Variants in AIG1 observed in about 807,000 individuals in gnomAD.
AIG1 encodes androgen-induced gene 1 protein.
Under a neutral mutation model 31.4 loss-of-function variants are expected in AIG1, and 23 were observed. That is an observed-to-expected ratio of 0.73 (90% confidence interval 0.53 to 1.04). The LOEUF (loss-of-function observed/expected upper bound fraction) is 1.04. Ranked by LOEUF, AIG1 falls within the 50% of genes least tolerant of loss-of-function variation. The pLI is 0.00. For synonymous variants in AIG1, 100 were observed against 110.5 expected (o/e 0.90, Z 0.60); for missense variants, 274 against 295.0 (o/e 0.93, Z 0.52).
rs188545720 is a variant in AIG1 at position 143,191,894 on chromosome 6, G to T, written c.399+26711G>T. Among the ~76,000 whole-genome samples, 193 of 151,284 alleles carry T rather than the reference G, an allele frequency of 1.3e-3. 1 individual carries two copies. The highest frequency in any genetic ancestry group is 4.3e-3 in the Admixed American group (65 of 15,086). ...AGTTCATTCATGAGCCAGTTATTTG[G>T]AACTGGAAACATGTTTCCCCACGAA... is the stretch of plus-strand genomic sequence containing the variant. On this transcript the variant is annotated intron_variant, in intron 3 of 5. Coordinates refer to ENST00000357847, the MANE Select transcript of AIG1 (RefSeq NM_016108.4).
chr6:143,131,222 TC>T (rs1245322235), intron 1 of AIG1, among the ~76,000 whole-genome samples: 1 of 152,248 alleles, frequency 6.6e-6, no homozygotes, highest in Non-Finnish European at 1.5e-5. Flanking sequence ...TTCCATTTAT[TC>T]TTTCTTCCTT....
At chr6:143,254,075 G>A (rs1387692012) in intron 3 of AIG1, among the ~76,000 whole-genome samples, 1 of 152,152 alleles carries the variant, frequency 6.6e-6, no homozygotes, top group Non-Finnish European at 1.5e-5. Flanking sequence ...CAGGGAGAAA[G>A]CGCCTTTTCA....
chr6:143,278,137 A>G (rs1445321168), intron 3 of AIG1, among the ~76,000 whole-genome samples: 2 of 152,180 alleles, frequency 1.3e-5, no homozygotes, highest in African/African-American at 4.8e-5. Context: ...TTTTTCCTTT[A>G]ATACCATTAC....
chr6:143,322,136 A>G (rs889794559), intron 4 of AIG1, among the ~76,000 whole-genome samples: 2 of 150,284 alleles, frequency 1.3e-5, no homozygotes, highest in African/African-American at 4.8e-5. Context: ...GCTCTTTATT[A>G]AAGGAGGTTG....
chr6:143,340,752 G>A lies in AIG1; in HGVS notation c.*1076G>A, dbSNP rs1332032210. Among the ~76,000 whole-genome samples, 2 of 151,940 alleles carry A rather than the reference G, an allele frequency of 1.3e-5. No homozygotes were observed. The highest frequency in any genetic ancestry group is 2.4e-5 in the African/African-American group (1 of 41,338). On this transcript the variant is annotated 3_prime_UTR_variant, in exon 6 of 6. Transcript: ENST00000357847. ...GCTGGGATTACAGACATGAACCACC[G>A]CGCCCAGCCACAAAATTGTTTTTAA... is the stretch of plus-strand genomic sequence containing the variant.
chr6:143,091,127 C>A (rs1371321815), intron 1 of AIG1, among the ~76,000 whole-genome samples: 1 of 152,104 alleles, frequency 6.6e-6, no homozygotes, highest in Non-Finnish European at 1.5e-5. Context: ...CATGACGTTG[C>A]AGCAATTCAA....
At chr6:143,086,234 G>A (rs1056290066) in intron 1 of AIG1, among the ~76,000 whole-genome samples, 1 of 151,828 alleles carries the variant, frequency 6.6e-6, no homozygotes, top group Non-Finnish European at 1.5e-5. Flanking sequence ...CTGACAACAA[G>A]GTAGTATTGG....
chr6:143,251,336 G>A (rs1432416213), intron 3 of AIG1, among the ~76,000 whole-genome samples: 2 of 152,304 alleles, frequency 1.3e-5, no homozygotes, highest in African/African-American at 2.4e-5. Context: ...ACAGGAGTGA[G>A]CCACCGTGCC....
chr6:143,172,176 C>T (rs1045011617), intron 3 of AIG1, among the ~76,000 whole-genome samples: 3 of 152,070 alleles, frequency 2.0e-5, no homozygotes, highest in Non-Finnish European at 2.9e-5. Flanking sequence ...TGTGCAGAAG[C>T]TTTTTAGTTT....
chr6:143,150,335 G>A (rs1467621400), intron 2 of AIG1, among the ~76,000 whole-genome samples: 2 of 152,172 alleles, frequency 1.3e-5, no homozygotes, highest in East Asian at 3.8e-4. Context: ...CTTAAAAAGG[G>A]ATGAAAGTAA....
intron 3 of AIG1, among the ~76,000 whole-genome samples, chr6:143,171,475 A>T (rs1253268180): frequency 5.8e-5 from 7 of 120,238 alleles, no homozygotes; most frequent in African/African-American, 2.5e-4. Context: ...TTTAATATAT[A>T]TAATATATAT....
Position 143,298,388 on chromosome 6 carries a change from A to G in AIG1, c.515+14163A>G, listed in dbSNP as rs1193813540. On this transcript the variant is annotated intron_variant, in intron 4 of 5. Transcript: ENST00000357847. The surrounding 1 kb of genome is among the most constrained non-coding windows in gnomAD (Gnocchi z 5.1). ...CACACATGCTAAACTTAAGCCAAAG[A>G]TATGTAAAGAATGTTAGAAAATGTA... is the stretch of plus-strand genomic sequence containing the variant. Among the ~76,000 whole-genome samples, 1 of 152,230 alleles carries G rather than the reference A, an allele frequency of 6.6e-6. No individual in the cohort carries two copies. Among genetic ancestry groups the G allele is most frequent in the Non-Finnish European group, 1.5e-5 (1 of 68,050 alleles).
chr6:143,213,705 C>T (rs899357369), intron 3 of AIG1, among the ~76,000 whole-genome samples: 1 of 147,124 alleles, frequency 6.8e-6, no homozygotes, highest in African/African-American at 2.5e-5. Flanking sequence ...TTAGTAGAGA[C>T]AGGGTTTCAC....
chr6:143,102,098 G>A (rs555854098), intron 1 of AIG1, among the ~76,000 whole-genome samples: 1 of 152,084 alleles, frequency 6.6e-6, no homozygotes, highest in African/African-American at 2.4e-5. Flanking sequence ...TTTTGCTGTT[G>A]TAGAATATGT....
At chr6:143,205,756 G>A (rs930872998) in intron 3 of AIG1, among the ~76,000 whole-genome samples, 1 of 152,146 alleles carries the variant, frequency 6.6e-6, no homozygotes, top group African/African-American at 2.4e-5. Flanking sequence ...TTGCATTAAT[G>A]TGCTATTACA....
chr6:143,154,031 A>T (rs1192534641), intron 2 of AIG1, among the ~76,000 whole-genome samples: 2 of 151,772 alleles, frequency 1.3e-5, no homozygotes, highest in African/African-American at 4.8e-5. Context: ...CTGGAGGATC[A>T]CTTGAAACCA....
intron 3 of AIG1, among the ~76,000 whole-genome samples, chr6:143,207,535 CA>C (rs2128612054): frequency 6.6e-6 from 1 of 151,952 alleles, no homozygotes; most frequent in Non-Finnish European, 1.5e-5. Context: ...CACACACACA[CA>C]CACACACACC....
downstream of AIG1, chr6:143,343,355 C>T (rs1039866174): frequency 1.0e-5 from 6 of 584,764 alleles, no homozygotes; most frequent in Middle Eastern, 3.0e-4. Flanking sequence ...GGACTAATGC[C>T]CCCCCAAACA....
At chr6:143,283,141 A>G (rs1797460405) in intron 3 of AIG1, among the ~76,000 whole-genome samples, 1 of 152,240 alleles carries the variant, frequency 6.6e-6, no homozygotes, top group South Asian at 2.1e-4. Flanking sequence ...ACTAAATTTC[A>G]AAACCAAGGG....
Sources: allele counts gnomAD v4.1 joint callset (sites outside exome capture counted in the v4.1 genomes callset), GRCh38; gene constraint gnomAD v4.1.1; non-coding constraint Gnocchi (gnomAD v3.1); transcripts MANE v1.5; gene names NCBI Gene and HGNC (gene_info 2026-07-23, HGNC 2026-07-21).